SGCZ: variants seen among roughly 807,000 people sequenced by gnomAD.
SGCZ encodes the protein sarcoglycan zeta.
SGCZ carries 40 observed loss-of-function variants against 41.3 expected under a neutral mutation model. The ratio of observed to expected loss-of-function variants is 0.97; its 90% CI spans 0.75 to 1.26. SGCZ has a LOEUF of 1.26. Ranked by LOEUF, SGCZ falls within the 50% of genes most tolerant of loss-of-function variation. The pLI, the probability that SGCZ is intolerant of heterozygous loss-of-function variation, is 0.00. For synonymous variants in SGCZ, 206 were observed against 137.5 expected, an observed-to-expected ratio of 1.50 and a Z score of -3.49; for missense variants, 552 against 369.8, an observed-to-expected ratio of 1.49 and a Z score of -4.04.
chr8:15,212,345 G>A (rs1280824221), intron 1 of SGCZ, among the ~76,000 whole-genome samples: 1 of 152,050 alleles, frequency 6.6e-6, no homozygotes, highest in East Asian at 1.9e-4. Flanking sequence ...CACACTGGTG[G>A]ATTCACTCTG....
chr8:14,963,207 C>T (rs1801019307), intron 1 of SGCZ, among the ~76,000 whole-genome samples: 1 of 152,070 alleles, frequency 6.6e-6, no homozygotes. Flanking sequence ...ATGGCATACA[C>T]CAGGTACTGT....
At chr8:14,684,911 G>C (rs1194893678) in intron 1 of SGCZ, among the ~76,000 whole-genome samples, 2 of 152,028 alleles carry the variant, frequency 1.3e-5, no homozygotes, top group African/African-American at 2.4e-5. Context: ...GTAATTCCTG[G>C]TCCTCTGTTT....
chr8:14,967,037 T>G (rs1385994715), intron 1 of SGCZ, among the ~76,000 whole-genome samples: 2 of 152,172 alleles, frequency 1.3e-5, no homozygotes, highest in African/African-American at 4.8e-5. Context: ...GGCACTGTGT[T>G]AAGCACCAGA....
chr8:14,553,203 C>G (rs1803926317), intron 2 of SGCZ, among the ~76,000 whole-genome samples: 1 of 151,920 alleles, frequency 6.6e-6, no homozygotes, highest in South Asian at 2.1e-4. Flanking sequence ...AATATGATGG[C>G]TAGAGTTGTT....
intron 1 of SGCZ, among the ~76,000 whole-genome samples, chr8:14,958,048 T>C (rs1026017488): frequency 6.6e-6 from 1 of 152,120 alleles, no homozygotes; most frequent in Non-Finnish European, 1.5e-5. Context: ...TTATCACATA[T>C]TCATCTCTAT....
At chr8:14,386,529 C>T (rs924266634) in intron 2 of SGCZ, among the ~76,000 whole-genome samples, 1 of 152,082 alleles carries the variant, frequency 6.6e-6, no homozygotes, top group East Asian at 1.9e-4. Context: ...TTCTTTTTCT[C>T]TAATCATCAA....
At chr8:14,549,573 T>C (rs576180548) in intron 2 of SGCZ, among the ~76,000 whole-genome samples, 8 of 152,190 alleles carry the variant, frequency 5.3e-5, no homozygotes, top group Middle Eastern at 3.4e-3. Flanking sequence ...TCAACCAAGA[T>C]ATCAAGGTAA....
intron 2 of SGCZ, among the ~76,000 whole-genome samples, chr8:14,339,180 G>A (rs1455767742): frequency 1.3e-5 from 2 of 152,064 alleles, no homozygotes; most frequent in African/African-American, 4.8e-5. Flanking sequence ...TTCTTCTACA[G>A]TAATTCAATT....
chr8:14,315,385 T>C (rs1585353129), intron 3 of SGCZ, among the ~76,000 whole-genome samples: 1 of 152,100 alleles, frequency 6.6e-6, no homozygotes, highest in South Asian at 2.1e-4. Context: ...ACATGGCCCC[T>C]GGGTTATTTC....
At chr8:14,237,484 AAACAACAAC>A (rs71541654) in intron 4 of SGCZ, 99 bp downstream of exon 4, 13 of 890,032 alleles carry the variant, frequency 1.5e-5, no homozygotes, top group Non-Finnish European at 2.3e-5. Flanking sequence ...CTCTGTCTCA[AAACAACAAC>A]AACAACAACA....
At chr8:14,799,547 T>G (rs140470610) in intron 1 of SGCZ, among the ~76,000 whole-genome samples, 16 of 152,232 alleles carry the variant, frequency 1.1e-4, no homozygotes, top group Non-Finnish European at 2.1e-4. Context: ...CTCAAGACTC[T>G]TCCATCCTTT....
intron 1 of SGCZ, among the ~76,000 whole-genome samples, chr8:14,864,443 T>A (rs1015481335): frequency 6.6e-6 from 1 of 152,164 alleles, no homozygotes; most frequent in Non-Finnish European, 1.5e-5. Context: ...ATGAAAGGCT[T>A]ACTCAAATAT....
In SGCZ at chr8:14,871,816, A is replaced by ATG. The variant is rs1554515049; in HGVS notation, c.40-316892_40-316891dup. Among the ~76,000 whole-genome samples the ATG allele has an allele frequency of 3.7e-4, 55 of 149,010 alleles. 1 individual carries two copies. Among genetic ancestry groups the ATG allele is most frequent in the Non-Finnish European group, 5.8e-4 (39 of 67,742 alleles). The stretch of plus-strand genomic sequence containing the variant: ...AGACTCTGTCTCAAAAATGTATAAT[A>ATG]TGTGTGTGTATATATATATATATGT... On this transcript the variant is annotated intron_variant, in intron 1 of 7. Coordinates refer to ENST00000382080, the MANE Select transcript of SGCZ (RefSeq NM_139167.4).
At chr8:14,696,672 G>C (rs947470739) in intron 1 of SGCZ, among the ~76,000 whole-genome samples, 1 of 151,634 alleles carries the variant, frequency 6.6e-6, no homozygotes, top group Non-Finnish European at 1.5e-5. Context: ...TCTCTTTTGC[G>C]TTATGAATTT....
intron 1 of SGCZ, among the ~76,000 whole-genome samples, chr8:15,011,562 A>G (rs1172386448): frequency 6.6e-6 from 1 of 152,166 alleles, no homozygotes; most frequent in Non-Finnish European, 1.5e-5. Flanking sequence ...AGATTATAAG[A>G]TAGTTTTCAC....
chr8:14,707,061 T>G (rs2117613759), intron 1 of SGCZ, among the ~76,000 whole-genome samples: 1 of 151,880 alleles, frequency 6.6e-6, no homozygotes, highest in Non-Finnish European at 1.5e-5. Flanking sequence ...ATACTTTAAG[T>G]TTTAGGGTAC....
chr8:14,655,901 A>G (rs1280450797), intron 1 of SGCZ, among the ~76,000 whole-genome samples: 1 of 152,032 alleles, frequency 6.6e-6, no homozygotes, highest in Admixed American at 6.6e-5. Flanking sequence ...ACTCAGCATA[A>G]TTTTATGGAG....
chr8:14,835,396 G>T (rs973195828), intron 1 of SGCZ, among the ~76,000 whole-genome samples: 4 of 151,588 alleles, frequency 2.6e-5, no homozygotes, highest in African/African-American at 9.7e-5. Flanking sequence ...TTACTTTCCA[G>T]TTATATAAAT....
chr8:15,079,942 A>G (rs1318210511), intron 1 of SGCZ, among the ~76,000 whole-genome samples: 1 of 152,038 alleles, frequency 6.6e-6, no homozygotes, highest in Non-Finnish European at 1.5e-5. Flanking sequence ...GCCCAGCAAC[A>G]TACACTTTTG....
Sources: gnomAD v4.1 joint callset for allele counts (sites outside exome capture counted in the v4.1 genomes callset) on GRCh38, gnomAD v4.1.1 for gene constraint, MANE v1.5 for transcripts, NCBI Gene and HGNC (gene_info 2026-07-23, HGNC 2026-07-21) for gene names.